The following RAB15 variants were observed in gnomAD, a reference collection of about 807,000 sequenced individuals.
RAB15 encodes ras-related protein Rab-15.
A neutral mutation model predicts 31.8 loss-of-function variants in RAB15; 13 were observed. That is an observed-to-expected ratio of 0.41 (90% CI 0.27 to 0.65). RAB15 has a LOEUF of 0.65. Among genes scored for constraint, RAB15 ranks in the 30% least tolerant of loss-of-function variants. The pLI is 0.32. For missense variants in RAB15, 220 were observed against 277.3 expected, an observed-to-expected ratio of 0.79 and a Z score of 1.47; for synonymous variants, 100 against 105.6, an observed-to-expected ratio of 0.95 and a Z score of 0.33.
At position 64,950,904 on chromosome 14, in the gene RAB15, G is replaced by T; in HGVS notation, c.324+170C>A. The T allele has an allele frequency of 7.1e-7, 1 of 1,413,012 alleles. No individual in the cohort carries two copies. Among genetic ancestry groups the T allele is most frequent in the Non-Finnish European group, 9.9e-7 (1 of 1,006,612 alleles). The allele number at this position is 1,413,012 out of a possible 1,614,324, so 87.5% of individuals were successfully genotyped here. ...GGCCTGGCAGGGTATAGAGAGTGAG[G>T]GCATGGCAGCTTCGGTTTCTTCCCC... On this transcript the variant is annotated intron_variant, in intron 4 of 6. Coordinates refer to ENST00000533601, the MANE Select transcript of RAB15 (RefSeq NM_001308154.2). This position sits in a 1 kb window ranked among gnomAD's most constrained non-coding sequence, Gnocchi z 5.6.
At chr14:64,965,413 C>G (rs540490097) in intron 1 of RAB15, among the ~76,000 whole-genome samples, 1 of 152,152 alleles carries the variant, frequency 6.6e-6, no homozygotes, top group African/African-American at 2.4e-5. Context: ...GAGCCGAGAT[C>G]GAGCCATTTG....
chr14:64,969,365 A>T lies in RAB15; in HGVS notation c.124+2588T>A, dbSNP rs546173054. 1.5e-4 allele frequency among the ~76,000 whole-genome samples: 23 copies of T among 152,292 alleles called. No homozygotes were observed. The South Asian group carries it at 4.8e-3, about 32-fold the overall frequency. ...AAACTGTCCATATCACTTAAGGAAAAAGCTTTTCTTGACCATCCAACTCTT... is the reference window on the plus strand; with the variant it reads ...AAACTGTCCATATCACTTAAGGAAATAGCTTTTCTTGACCATCCAACTCTT... On this transcript the variant is annotated intron_variant, in intron 1 of 6. Coordinates refer to ENST00000533601, the MANE Select transcript of RAB15 (RefSeq NM_001308154.2).
chr14:64,962,354 T>C lies in RAB15; in HGVS notation c.124+9599A>G, dbSNP rs1228388799. On this transcript the variant is annotated intron_variant, in intron 1 of 6. Transcript: ENST00000533601. This position sits in a 1 kb window ranked among gnomAD's most constrained non-coding sequence, Gnocchi z 4.2. ...CATTTGTTAATTCATTCATTCAAAC[T>C]GTTATTGAATGCTTACAATGTGCCA... Among the ~76,000 whole-genome samples the C allele has an allele frequency of 6.6e-6, 1 of 152,248 alleles. No individual in the cohort carries two copies. Among genetic ancestry groups the C allele is most frequent in the African/African-American group, 2.4e-5 (1 of 41,458 alleles).
At chr14:64,959,967 T>G (rs1886766370) in intron 1 of RAB15, among the ~76,000 whole-genome samples, 1 of 151,440 alleles carries the variant, frequency 6.6e-6, no homozygotes, top group South Asian at 2.1e-4. Context: ...TCCTGCCACC[T>G]GATGCCTCAG....
chr14:64,961,914 TAA>T (rs528884423), intron 1 of RAB15, among the ~76,000 whole-genome samples: 4 of 131,574 alleles, frequency 3.0e-5, no homozygotes, highest in Admixed American at 7.8e-5. Context: ...GACTCTGTCT[TAA>T]AAAAAAAAAA....
chr14:64,964,531 G>A (rs28744491), intron 1 of RAB15, among the ~76,000 whole-genome samples: 22,687 of 95,656 alleles, frequency 0.24, 2,394 homozygotes, highest in African/African-American at 0.4. Context: ...AAAAAAAAAA[G>A]AAAAAAAGAA....
Position 64,954,303 on chromosome 14 carries a change from T to C in RAB15, c.125-1732A>G. On this transcript the variant is annotated intron_variant, in intron 1 of 6. Transcript: ENST00000533601. The surrounding 1 kb of genome is among the most constrained non-coding windows in gnomAD (Gnocchi z 4.3). ...GCCTTGGGAAGCAGGAGTATGCTTATTTCTGCCTGGATCAACGGTTATCAG... is the reference window on the plus strand; with the variant it reads ...GCCTTGGGAAGCAGGAGTATGCTTACTTCTGCCTGGATCAACGGTTATCAG... 2.0e-6 allele frequency: 2 copies of C among 985,424 alleles called. No individual in the cohort carries two copies. The highest frequency in any genetic ancestry group is 2.4e-6 in the Non-Finnish European group (2 of 829,922). The allele number at this position is 985,424 out of a possible 1,614,324, so 61.0% of individuals were successfully genotyped here. A position where few individuals can be genotyped will look rare whatever the true frequency, so the allele number is the denominator to read the frequency against.
intron 1 of RAB15, among the ~76,000 whole-genome samples, chr14:64,957,130 T>C (rs1224586333): frequency 6.7e-6 from 1 of 148,152 alleles, no homozygotes; most frequent in Non-Finnish European, 1.5e-5. Context: ...AGAGATGAGG[T>C]CTCCCTGTAT....
Position 64,950,855 on chromosome 14 carries a change from T to A in RAB15, c.324+219A>T, listed in dbSNP as rs141115089. 2.1e-4 allele frequency: 187 copies of A among 901,972 alleles called. 1 individual carries two copies. The African/African-American group carries it at 2.9e-3, about 14-fold the overall frequency. 55.9% of individuals were successfully genotyped at this position (901,972 alleles called of 1,614,324 possible). A position where few individuals can be genotyped will look rare whatever the true frequency, so the allele number is the denominator to read the frequency against. The stretch of plus-strand genomic sequence containing the variant: ...CAGGGAAGACTTGGAACTAATTCAT[T>A]TCCGGGAAAGACACAGCCGTGGAGG... On this transcript the variant is annotated intron_variant, in intron 4 of 6. Coordinates refer to ENST00000533601, the MANE Select transcript of RAB15 (RefSeq NM_001308154.2). The surrounding 1 kb of genome is among the most constrained non-coding windows in gnomAD (Gnocchi z 5.6).
chr14:64,964,388 G>A (rs1342993181), intron 1 of RAB15, among the ~76,000 whole-genome samples: 1 of 151,432 alleles, frequency 6.6e-6, no homozygotes, highest in African/African-American at 2.4e-5. Flanking sequence ...CCAGCGTGGT[G>A]GTGCGTGCCT....
rs770135776 is a variant in RAB15, at chr14:64,946,001, G to T, written c.*2353C>A. ...TCTCAAGACAGCAGGTGCAGAGGTG[G>T]TGACGAGTAAACAGGCCAGCAGAGC... On this transcript the variant is annotated 3_prime_UTR_variant, in exon 7 of 7. Coordinates refer to ENST00000533601, the MANE Select transcript of RAB15 (RefSeq NM_001308154.2). 23 of 152,652 alleles carry T rather than the reference G, an allele frequency of 1.5e-4. No individual in the cohort carries two copies. The highest frequency in any genetic ancestry group is 2.1e-4 in the South Asian group (1 of 4,820). The allele number at this position is 152,652 out of a possible 1,614,324, so 9.5% of individuals were successfully genotyped here.
Position 64,951,162 on chromosome 14 carries a change from G to A in RAB15, c.247-11C>T. ...GACCAAAAATATCCCCTGAGAGAGA[G>A]AGAAATAGAGAGATGTGATATGCAC... is the stretch of plus-strand genomic sequence containing the variant. On this transcript the variant is annotated splice_polypyrimidine_tract_variant and intron_variant, in intron 3 of 6. Transcript: ENST00000533601. This position sits in a 1 kb window ranked among gnomAD's most constrained non-coding sequence, Gnocchi z 7.2. 1 of 1,602,372 alleles carries A rather than the reference G, an allele frequency of 6.2e-7. No homozygotes were observed. The highest frequency in any genetic ancestry group is 1.1e-5 in the South Asian group (1 of 90,870).
At chr14:64,967,247 G>C (rs938588623) in intron 1 of RAB15, among the ~76,000 whole-genome samples, 1 of 152,130 alleles carries the variant, frequency 6.6e-6, no homozygotes, top group Non-Finnish European at 1.5e-5. Context: ...AAAGGTCCAG[G>C]GACTAGGTGA....
chr14:64,952,167 G>A lies in RAB15; in HGVS notation c.185+344C>T, dbSNP rs1423816311. Among the ~76,000 whole-genome samples, 6 of 152,146 alleles carry A rather than the reference G, an allele frequency of 3.9e-5. No individual in the cohort carries two copies. In the East Asian group the frequency reaches 5.8e-4, roughly 15 times the overall value. Reference sequence around the variant, plus strand: ...TCCTGAGGAACTCTCTCAGGGTCTCGCCCTAAATGATGGGGGGTGTAGCCT... The same window carrying A: ...TCCTGAGGAACTCTCTCAGGGTCTCACCCTAAATGATGGGGGGTGTAGCCT... On this transcript the variant is annotated intron_variant, in intron 2 of 6. Coordinates refer to ENST00000533601, the MANE Select transcript of RAB15 (RefSeq NM_001308154.2). The surrounding 1 kb of genome is among the most constrained non-coding windows in gnomAD (Gnocchi z 4.2).
chr14:64,964,076 GT>G (rs1166518462), intron 1 of RAB15, among the ~76,000 whole-genome samples: 1 of 152,146 alleles, frequency 6.6e-6, no homozygotes, highest in African/African-American at 2.4e-5. Flanking sequence ...CTGGCAGCAG[GT>G]AGATCACTAA....
chr14:64,952,665 C>CA lies in RAB15; in HGVS notation c.125-95dup. The CA allele has an allele frequency of 3.3e-6, 3 of 915,012 alleles. No homozygotes were observed. Among genetic ancestry groups the CA allele is most frequent in the Non-Finnish European group, 3.4e-6 (2 of 583,824 alleles). The allele number at this position is 915,012 out of a possible 1,614,324, so 56.7% of individuals were successfully genotyped here. A position where few individuals can be genotyped will look rare whatever the true frequency, so the allele number is the denominator to read the frequency against. ...CAATCACACTTGAAAGGTTTCCTTT[C>CA]AGTTTAATTTGGCAAAGGGATGAAG... is the stretch of plus-strand genomic sequence containing the variant. On this transcript the variant is annotated intron_variant, in intron 1 of 6. Transcript: ENST00000533601. This position sits in a 1 kb window ranked among gnomAD's most constrained non-coding sequence, Gnocchi z 4.2.
At chr14:64,957,450 C>G (rs560216481) in intron 1 of RAB15, among the ~76,000 whole-genome samples, 1 of 152,158 alleles carries the variant, frequency 6.6e-6, no homozygotes, top group African/African-American at 2.4e-5. Flanking sequence ...ACCAGGTACC[C>G]TTGCCAGCCA....
At position 64,950,344 on chromosome 14, in the gene RAB15, C is replaced by T; in HGVS notation, c.395G>A (p.Gly132Glu). The T allele has an allele frequency of 6.2e-7, 1 of 1,614,124 alleles. No homozygotes were observed. Among genetic ancestry groups the T allele is most frequent in the Non-Finnish European group, 8.5e-7 (1 of 1,179,972 alleles). Residue 132 changes from glycine to glutamate, a missense_variant, in exon 5 of 7, where the codon GGA becomes GAA. Transcript: ENST00000533601. The surrounding 1 kb of genome is among the most constrained non-coding windows in gnomAD (Gnocchi z 5.6). ...ACTTACCTGCTGCCCTTGCTCTCTT[C>T]CCACCTGCCGTTTCTGCTCCTCATC... ...KADEEQKRQVGREQGQQLAKE... is the reference protein window; with the variant it reads ...KADEEQKRQVEREQGQQLAKE...
rs1458163731 is a variant in RAB15 at position 64,946,146 on chromosome 14, C to T, written c.*2208G>A. The T allele has an allele frequency of 6.6e-6, 1 of 152,540 alleles. No individual in the cohort carries two copies. Among genetic ancestry groups the T allele is most frequent in the Admixed American group, 6.5e-5 (1 of 15,294 alleles). 9.4% of individuals were successfully genotyped at this position (152,540 alleles called of 1,614,324 possible). ...CCCATACCTTTTCCCAGTCATGGCC[C>T]TTGTGGATAGGGCCTATCAGTCTAT... is the stretch of plus-strand genomic sequence containing the variant. On this transcript the variant is annotated 3_prime_UTR_variant, in exon 7 of 7. Coordinates refer to ENST00000533601, the MANE Select transcript of RAB15 (RefSeq NM_001308154.2).
Sources: gnomAD v4.1 joint callset for allele counts (sites outside exome capture counted in the v4.1 genomes callset) on GRCh38, gnomAD v4.1.1 for gene constraint, Gnocchi (gnomAD v3.1) non-coding constraint, MANE v1.5 for transcripts, NCBI Gene and HGNC (gene_info 2026-07-23, HGNC 2026-07-21) for gene names.